The following NEBL variants were observed in gnomAD, a reference collection of about 807,000 sequenced individuals.
NEBL encodes nebulette, also known as LIM and SH3 protein 2.
In NEBL, 122 loss-of-function variants were observed where a neutral mutation model predicts 140.2. That is an observed-to-expected ratio of 0.87 (90% CI 0.75 to 1.01). The LOEUF (loss-of-function observed/expected upper bound fraction) is 1.01. NEBL is among the 50% of genes least tolerant of loss of function. The probability of loss-of-function intolerance (pLI) is 0.00; values close to 1 mark genes in which losing one functional copy is unlikely to be tolerated. For missense variants in NEBL, 1,365 were observed against 1,231.3 expected, an observed-to-expected ratio of 1.11 and a Z score of -1.62; for synonymous variants, 436 against 398.9, an observed-to-expected ratio of 1.09 and a Z score of -1.11.
chr10:21,271,406 GA>G (rs1842858721), intron 1 of NEBL, among the ~76,000 whole-genome samples: 1 of 152,158 alleles, frequency 6.6e-6, no homozygotes, highest in South Asian at 2.1e-4. Context: ...AGATGTTGGT[GA>G]AAGGTTACAA....
At chr10:20,916,771 C>T (rs913064127) in intron 4 of NEBL, among the ~76,000 whole-genome samples, 8 of 152,140 alleles carry the variant, frequency 5.3e-5, no homozygotes, top group Admixed American at 3.3e-4. Context: ...GTATAAAATG[C>T]GTGCCCATCT....
intron 3 of NEBL, among the ~76,000 whole-genome samples, chr10:21,219,390 C>T (rs1320920792): frequency 6.6e-6 from 1 of 152,148 alleles, no homozygotes; most frequent in Non-Finnish European, 1.5e-5. Context: ...AGTATTGAAG[C>T]AAATGTAAAT....
intron 2 of NEBL, among the ~76,000 whole-genome samples, chr10:21,166,854 G>C (rs1337262192): frequency 6.6e-6 from 1 of 152,214 alleles, no homozygotes; most frequent in South Asian, 2.1e-4. Flanking sequence ...CAATCTCCTT[G>C]AGATAACTCA....
intron 4 of NEBL, among the ~76,000 whole-genome samples, chr10:20,944,615 C>A (rs745488252): frequency 5.9e-5 from 9 of 152,138 alleles, no homozygotes; most frequent in Admixed American, 1.3e-4. Context: ...TCTCTCACAC[C>A]TGCCAACCTG....
At chr10:20,954,780 G>A (rs1459537512) in intron 4 of NEBL, among the ~76,000 whole-genome samples, 1 of 152,166 alleles carries the variant, frequency 6.6e-6, no homozygotes, top group East Asian at 1.9e-4. Context: ...GGGCAGGCTG[G>A]TTGGAGTTTT....
At chr10:21,162,653 A>C (rs1840602853) in intron 2 of NEBL, among the ~76,000 whole-genome samples, 1 of 152,206 alleles carries the variant, frequency 6.6e-6, no homozygotes, top group Non-Finnish European at 1.5e-5. Context: ...GAGAATATCT[A>C]TGGTCCAATT....
At chr10:20,801,766 C>A (rs1837146451) in intron 26 of NEBL, among the ~76,000 whole-genome samples, 1 of 152,156 alleles carries the variant, frequency 6.6e-6, no homozygotes, top group Non-Finnish European at 1.5e-5. Flanking sequence ...ATGCTATGAA[C>A]AATAAACTGA....
chr10:20,911,585 A>T (rs1682662469), intron 4 of NEBL, among the ~76,000 whole-genome samples: 1 of 152,214 alleles, frequency 6.6e-6, no homozygotes, highest in Non-Finnish European at 1.5e-5. Context: ...CTACAAGGAC[A>T]TTCTCATAGT....
intron 2 of NEBL, chr10:21,020,343 T>C (rs1384701084): frequency 1.4e-6 from 1 of 722,280 alleles, no homozygotes; most frequent in South Asian, 1.5e-5. Context: ...AGGTCATCTC[T>C]CTGTCATTAT....
At chr10:21,163,183 C>T (rs942846890) in intron 2 of NEBL, among the ~76,000 whole-genome samples, 17 of 152,282 alleles carry the variant, frequency 1.1e-4, no homozygotes, top group Admixed American at 7.2e-4. Flanking sequence ...GTGAAAGGCT[C>T]TGAAAGTCTG....
intron 2 of NEBL, among the ~76,000 whole-genome samples, chr10:21,021,340 G>T (rs139838222): frequency 6.6e-6 from 1 of 152,040 alleles, no homozygotes; most frequent in East Asian, 1.9e-4. Context: ...ATCTGATCAC[G>T]TCACTCCCCT....
At chr10:21,024,082 AC>A (rs1249584200) in intron 2 of NEBL, among the ~76,000 whole-genome samples, 1 of 151,706 alleles carries the variant, frequency 6.6e-6, no homozygotes, top group East Asian at 1.9e-4. Context: ...AAAAAAAAAA[AC>A]ATTGAAAAGC....
intron 3 of NEBL, among the ~76,000 whole-genome samples, chr10:20,965,781 C>G (rs1030374436): frequency 1.3e-5 from 2 of 152,190 alleles, no homozygotes; most frequent in Non-Finnish European, 1.5e-5. Flanking sequence ...CCACCTCCCC[C>G]AGTCAGCCAC....
intron 3 of NEBL, among the ~76,000 whole-genome samples, chr10:21,247,596 T>G (rs1842534253): frequency 6.6e-6 from 1 of 152,148 alleles, no homozygotes; most frequent in Non-Finnish European, 1.5e-5. Flanking sequence ...CATCCTCTAC[T>G]GAAAATCTGT....
At chr10:21,154,528 G>T (rs546803153) in intron 2 of NEBL, among the ~76,000 whole-genome samples, 1 of 151,342 alleles carries the variant, frequency 6.6e-6, no homozygotes, top group South Asian at 2.1e-4. Context: ...CTTTGTGCTC[G>T]TGGGTCTCAA....
chr10:20,962,342 T>C (rs562819015), intron 3 of NEBL, among the ~76,000 whole-genome samples: 3 of 152,322 alleles, frequency 2.0e-5, no homozygotes, highest in African/African-American at 7.2e-5. Flanking sequence ...GGCCAACATA[T>C]GGATACAATT....
At chr10:21,056,099 G>C (rs566474618) in intron 2 of NEBL, among the ~76,000 whole-genome samples, 1 of 152,310 alleles carries the variant, frequency 6.6e-6, no homozygotes, top group Non-Finnish European at 1.5e-5. Context: ...ACACAGGCTA[G>C]ACACTAGGTC....
chr10:20,905,426 C>T (rs2131444442), intron 4 of NEBL, among the ~76,000 whole-genome samples: 1 of 152,286 alleles, frequency 6.6e-6, no homozygotes, highest in South Asian at 2.1e-4. Flanking sequence ...GCACTTCTTA[C>T]ATGGTGGCAG....
chr10:21,210,325 C>T (rs146513540), intron 3 of NEBL, among the ~76,000 whole-genome samples: 7 of 152,122 alleles, frequency 4.6e-5, no homozygotes, highest in Admixed American at 3.9e-4. Context: ...ACCTGAGAGA[C>T]GGAAGTTGCA....
Sources: allele counts gnomAD v4.1 joint callset (sites outside exome capture counted in the v4.1 genomes callset), GRCh38; gene constraint gnomAD v4.1.1; transcripts MANE v1.5; gene names NCBI Gene and HGNC (gene_info 2026-07-23, HGNC 2026-07-21).